CDKN1C: variants seen among roughly 807,000 people sequenced by gnomAD.
CDKN1C encodes the protein cyclin-dependent kinase inhibitor 1C.
A neutral mutation model predicts 16.5 loss-of-function variants in CDKN1C; 7 were observed. The observed-to-expected ratio is 0.42, with a 90% CI of 0.24 to 0.80. The LOEUF (loss-of-function observed/expected upper bound fraction) is 0.80, where lower values mean the gene tolerates loss of function less well. Ranked by LOEUF, CDKN1C falls within the 30% of genes least tolerant of loss-of-function variation. The probability of loss-of-function intolerance (pLI) is 0.26; values close to 1 mark genes in which losing one functional copy is unlikely to be tolerated. For synonymous variants in CDKN1C, 288 were observed against 214.4 expected (o/e 1.34, Z -3.00); for missense variants, 429 against 437.3 (o/e 0.98, Z 0.17).
chr11:2,885,532 C>G, intron 1 of CDKN1C, 66 bp from the exon 2 acceptor site: 1 of 1,536,226 alleles, frequency 6.5e-7, no homozygotes, highest in Non-Finnish European at 8.7e-7. Flanking sequence ...GAGGAGAGGA[C>G]AGCGAGAAGA....
rs1050335121 is a variant in CDKN1C at position 2,885,484 on chromosome 11, G to A, written c.-10-18C>T. ...TGGATGTGCTGCGGAGGGACGCGTC[G>A]GACATGGCCCGGGGCTGCGCAAACG... On this transcript the variant is annotated intron_variant, in intron 1 of 3. Transcript: ENST00000440480. 5.2e-6 allele frequency: 8 copies of A among 1,543,268 alleles called. No homozygotes were observed. Among genetic ancestry groups the A allele is most frequent in the Non-Finnish European group, 7.0e-6 (8 of 1,146,924 alleles).
intron 1 of CDKN1C, 53 bp from the exon 2 acceptor site, chr11:2,885,519 A>G: frequency 6.5e-7 from 1 of 1,538,390 alleles, no homozygotes; most frequent in East Asian, 2.4e-5. Flanking sequence ...GCGGGCAGCG[A>G]GAGAGGAGAG....
intron 2 of CDKN1C, 196 bp downstream of exon 2, chr11:2,884,474 C>A (rs947713247): frequency 7.2e-4 from 237 of 331,406 alleles, no homozygotes; most frequent in African/African-American, 4.9e-3. Flanking sequence ...TCCCACCCCG[C>A]CCGCGCGAAG....
chr11:2,884,900 G>A lies in CDKN1C; in HGVS notation c.557C>T (p.Ala186Val), dbSNP rs1590149706. ...APAPAPAPVA[A>V]PAPAPAPAPA... ...GGCCGGGGCCGGGGCTGGGGCCGGG[G>A]CCGCGACTGGAGCCGGGGCCGGAGC... is the stretch of plus-strand genomic sequence containing the variant. The change falls in exon 2 of 4, where the codon GCC (alanine) becomes GTC (valine). Residue 186 changes from alanine (A) to valine (V), a missense_variant. Coordinates refer to ENST00000440480, the MANE Select transcript of CDKN1C (RefSeq NM_001122630.2). The A allele has an allele frequency of 6.9e-6, 6 of 866,952 alleles. No individual in the cohort carries two copies. The East Asian group carries it at 5.0e-4, about 72-fold the overall frequency. The allele number at this position is 866,952 out of a possible 1,614,324, so 53.7% of individuals were successfully genotyped here. A position where few individuals can be genotyped will look rare whatever the true frequency, so the allele number is the denominator to read the frequency against.
In CDKN1C at chr11:2,883,434, G is replaced by C. The variant is rs908073942; in HGVS notation, c.*487C>G. 6.0e-6 allele frequency: 1 copy of C among 167,496 alleles called. No homozygotes were observed. The highest frequency in any genetic ancestry group is 6.3e-5 in the Admixed American group (1 of 15,818). The allele number at this position is 167,496 out of a possible 1,614,324, so 10.4% of individuals were successfully genotyped here. On this transcript the variant is annotated 3_prime_UTR_variant, in exon 4 of 4. Transcript: ENST00000440480. The stretch of plus-strand genomic sequence containing the variant: ...AGTGACCCCCTTCCCCAGAGTCCGC[G>C]ATGAAAATAAAGTTACACTTGTCAA...
Position 2,884,685 on chromosome 11 carries a change from C to G in CDKN1C, c.772G>C (p.Gly258Arg), listed in dbSNP as rs1275242295. 10 of 1,463,302 alleles carry G rather than the reference C, an allele frequency of 6.8e-6. No individual in the cohort carries two copies. The highest frequency in any genetic ancestry group is 5.7e-5 in the East Asian group (2 of 35,042). The allele number at this position is 1,463,302 out of a possible 1,614,324, so 90.6% of individuals were successfully genotyped here. A position where few individuals can be genotyped will look rare whatever the true frequency, so the allele number is the denominator to read the frequency against. ...ANGAAIKKLS[G>R]PLISDFFAKR... ...CGGGGCTCACCGGAGATCAGAGGCC[C>G]GGACAGCTTCTTGATCGCCGCGCCG... Residue 258 changes from glycine (G) to arginine (R), a missense_variant, in exon 2 of 4, where the codon GGG becomes CGG. Gly to Arg is a moderately radical substitution (Grantham distance 125). Coordinates refer to ENST00000440480, the MANE Select transcript of CDKN1C (RefSeq NM_001122630.2).
chr11:2,885,631 T>C lies in CDKN1C; in HGVS notation c.-11+3A>G. On this transcript the variant is annotated splice_donor_region_variant and intron_variant, in intron 1 of 3. Coordinates refer to ENST00000440480, the MANE Select transcript of CDKN1C (RefSeq NM_001122630.2). ...CTGCGTGTGCGAGGGACGCGGCGGC[T>C]ACCTGGCTGTCCGGTGGTGGACTCT... 1 of 1,039,416 alleles carries C rather than the reference T, an allele frequency of 9.6e-7. No homozygotes were observed. Among genetic ancestry groups the C allele is most frequent in the Non-Finnish European group, 1.4e-6 (1 of 718,834 alleles). 64.4% of individuals were successfully genotyped at this position (1,039,416 alleles called of 1,614,324 possible).
Position 2,883,734 on chromosome 11 carries a change from T to G in CDKN1C, c.*187A>C. ...AGTGTACCTTCTCGTGCAGAATACA[T>G]TTAGATATAAAAAGACGTTATTAAT... On this transcript the variant is annotated 3_prime_UTR_variant, in exon 4 of 4. Transcript: ENST00000440480. The G allele has an allele frequency of 7.1e-7, 1 of 1,401,058 alleles. No homozygotes were observed. Among genetic ancestry groups the G allele is most frequent in the Non-Finnish European group, 9.3e-7 (1 of 1,073,358 alleles). The allele number at this position is 1,401,058 out of a possible 1,614,324, so 86.8% of individuals were successfully genotyped here. A position where few individuals can be genotyped will look rare whatever the true frequency, so the allele number is the denominator to read the frequency against.
rs1367640051 is a variant in CDKN1C at position 2,885,476 on chromosome 11, G to A, written c.-10-10C>T. 6.5e-7 allele frequency: 1 copy of A among 1,543,972 alleles called. No individual in the cohort carries two copies. On this transcript the variant is annotated splice_polypyrimidine_tract_variant and intron_variant, in intron 1 of 3. Coordinates refer to ENST00000440480, the MANE Select transcript of CDKN1C (RefSeq NM_001122630.2). ...CTCCATCGTGGATGTGCTGCGGAGG[G>A]ACGCGTCGGACATGGCCCGGGGCTG...
In CDKN1C at chr11:2,884,049, A is replaced by C. The variant is rs780417247; in HGVS notation, c.873T>G (p.Pro291=). ...PAPCPSPSAA[P]GVGSVEQTPR... Reference sequence around the variant, plus strand: ...GGGTCTGCTCCACCGAGCCCACGCCAGGGGCGGCGCTTGGAGAGGGACACG... The same window carrying C: ...GGGTCTGCTCCACCGAGCCCACGCCCGGGGCGGCGCTTGGAGAGGGACACG... The change falls in exon 3 of 4, where the codon CCT becomes CCG. Residue 291 remains proline, a synonymous_variant. Transcript: ENST00000440480. 2 of 1,555,032 alleles carry C rather than the reference A, an allele frequency of 1.3e-6. No individual in the cohort carries two copies. The highest frequency in any genetic ancestry group is 1.7e-6 in the Non-Finnish European group (2 of 1,150,014).
Position 2,883,981 on chromosome 11 carries a change from C to T in CDKN1C, c.*5+18G>A. On this transcript the variant is annotated intron_variant, in intron 3 of 3. Coordinates refer to ENST00000440480, the MANE Select transcript of CDKN1C (RefSeq NM_001122630.2). ...GGCGGGTCGGCCCTCCGCGCCCCCC[C>T]AGGTGCGCTGTACTCACTTGGCTCA... The T allele has an allele frequency of 1.9e-6, 3 of 1,562,448 alleles. No individual in the cohort carries two copies. The highest frequency in any genetic ancestry group is 1.4e-5 in the African/African-American group (1 of 73,962).
rs1443539133 is a variant in CDKN1C at position 2,884,930 on chromosome 11, G to A, written c.527C>T (p.Ala176Val). The part of the protein sequence containing the change: ...VLAPAPAPAP[A>V]PAPAPAPVAA... ...GACTGGAGCCGGGGCCGGAGCCGGA[G>A]CCGGAGCCGGGGCCGGGGCCGGGGC... Residue 176 changes from alanine (A) to valine (V), a missense_variant, in exon 2 of 4, where the codon GCT becomes GTT. Ala to Val is a moderately conservative substitution (Grantham distance 64). Transcript: ENST00000440480. The A allele has an allele frequency of 4.3e-6, 4 of 930,064 alleles. No individual in the cohort carries two copies. Among genetic ancestry groups the A allele is most frequent in the African/African-American group, 3.8e-5 (2 of 52,362 alleles). 57.6% of individuals were successfully genotyped at this position (930,064 alleles called of 1,614,324 possible).
Position 2,884,715 on chromosome 11 carries a change from C to A in CDKN1C, c.742G>T (p.Ala248Ser), listed in dbSNP as rs773881541. ...AGCTTCTTGATCGCCGCGCCGTTGG[C>A]GCTGGCGGCCGCGGTGCCGGCCGCG... is the stretch of plus-strand genomic sequence containing the variant. ...RPAAGTAAASANGAAIKKLSG... is the reference protein window; with the variant it reads ...RPAAGTAAASSNGAAIKKLSG... Residue 248 changes from alanine (A) to serine (S), a missense_variant, in exon 2 of 4, where the codon GCC (alanine) becomes TCC (serine). Physicochemically the swap from Ala to Ser is moderately conservative, Grantham distance 99. Transcript: ENST00000440480. 3 of 1,501,600 alleles carry A rather than the reference C, an allele frequency of 2.0e-6. No homozygotes were observed. Among genetic ancestry groups the A allele is most frequent in the East Asian group, 5.5e-5 (2 of 36,114 alleles). The allele number at this position is 1,501,600 out of a possible 1,614,324, so 93.0% of individuals were successfully genotyped here. A position where few individuals can be genotyped will look rare whatever the true frequency, so the allele number is the denominator to read the frequency against.
chr11:2,884,599 G>A, intron 2 of CDKN1C, 71 bp downstream of exon 2: 1 of 1,004,348 alleles, frequency 1.0e-6, no homozygotes, highest in Non-Finnish European at 1.3e-6. Flanking sequence ...AGGCCCCCGA[G>A]GGCTGGGGGG....
Position 2,883,927 on chromosome 11 carries a change from G to A in CDKN1C, c.*6-12C>T, listed in dbSNP as rs760584588. The A allele has an allele frequency of 6.3e-7, 1 of 1,589,704 alleles. No individual in the cohort carries two copies. Among genetic ancestry groups the A allele is most frequent in the South Asian group, 1.1e-5 (1 of 88,248 alleles). Reference sequence around the variant, plus strand: ...CTTTGGGCTCTAAACTGCGAGGAGAGGGGCGGTCAGCAAAGCCGGCGGGGA... The same window carrying A: ...CTTTGGGCTCTAAACTGCGAGGAGAAGGGCGGTCAGCAAAGCCGGCGGGGA... On this transcript the variant is annotated splice_polypyrimidine_tract_variant and intron_variant, in intron 3 of 3. Transcript: ENST00000440480.
At position 2,884,852 on chromosome 11, in the gene CDKN1C, G is replaced by T; in HGVS notation, c.605C>A (p.Ala202Asp). The T allele has an allele frequency of 4.4e-6, 5 of 1,127,182 alleles. No individual in the cohort carries two copies. The highest frequency in any genetic ancestry group is 5.5e-6 in the Non-Finnish European group (5 of 915,826). 69.8% of individuals were successfully genotyped at this position (1,127,182 alleles called of 1,614,324 possible). The change falls in exon 2 of 4, where the codon GCC (alanine) becomes GAC (aspartate). Residue 202 changes from alanine to aspartate, a missense_variant. Ala to Asp is a moderately radical substitution (Grantham distance 126, BLOSUM62 -2). Transcript: ENST00000440480. ...TTGAGGCGCCGCGTCCGGGGCCGGG[G>T]CCGGGGCGGGGGCCGGGGCCGGGGC... ...APAPAPAPAPAPAPDAAPQES... is the reference protein window; with the variant it reads ...APAPAPAPAPDPAPDAAPQES...
rs34289096 is a variant in CDKN1C, at chr11:2,883,974, G to GC, written c.*5+24dup. 0.33 allele frequency: 511,575 copies of GC among 1,553,768 alleles called. 88,791 individuals are homozygous for GC. Among genetic ancestry groups the GC allele is most frequent in the East Asian group, 0.67 (27,739 of 41,500 alleles). On this transcript the variant is annotated intron_variant, in intron 3 of 3. Coordinates refer to ENST00000440480, the MANE Select transcript of CDKN1C (RefSeq NM_001122630.2). ...GGGACCCGGCGGGTCGGCCCTCCGC[G>GC]CCCCCCCAGGTGCGCTGTACTCACT...
intron 2 of CDKN1C, chr11:2,884,439 G>A (rs1464536383): frequency 1.8e-5 from 5 of 278,600 alleles, no homozygotes; most frequent in Admixed American, 5.3e-5. Context: ...CTGCGCTCCC[G>A]GGGGGTCGCG....
Position 2,884,958 on chromosome 11 carries a change from G to GGACCGC in CDKN1C, c.493_498dup (p.Ala165_Val166dup), listed in dbSNP as rs889984547. The GGACCGC allele has an allele frequency of 5.1e-5, 54 of 1,051,706 alleles. 1 individual carries two copies. Among genetic ancestry groups the GGACCGC allele is most frequent in the South Asian group, 9.1e-5 (2 of 21,964 alleles). 65.1% of individuals were successfully genotyped at this position (1,051,706 alleles called of 1,614,324 possible). A position where few individuals can be genotyped will look rare whatever the true frequency, so the allele number is the denominator to read the frequency against. On this transcript the variant is annotated inframe_insertion, in exon 2 of 4. Transcript: ENST00000440480. ...GGAGCCGGGGCCGGGGCCGGGGCCAGGACCGCGACCGCGACCGGAGCCGCG... is the reference window on the plus strand; with the variant it reads ...GGAGCCGGGGCCGGGGCCGGGGCCAGGACCGCGACCGCGACCGCGACCGGAGCCGCG...
Sources: gnomAD v4.1 joint callset for allele counts on GRCh38, gnomAD v4.1.1 for gene constraint, MANE v1.5 for transcripts, NCBI Gene and HGNC (gene_info 2026-07-23, HGNC 2026-07-21) for gene names.